The following DSPP variants were observed in gnomAD, a reference collection of about 807,000 sequenced individuals.
DSPP encodes the protein dentin sialophosphoprotein, also known as deafness, autosomal dominant 39.
A neutral mutation model predicts 29.1 loss-of-function variants in DSPP; 28 were observed. The observed-to-expected ratio is 0.96, with a 90% CI of 0.71 to 1.32. The LOEUF is 1.32. Ranked by LOEUF, DSPP falls within the 40% of genes most tolerant of loss-of-function variation. DSPP has a pLI of 0.00. For synonymous variants in DSPP, 481 were observed against 503.4 expected, an observed-to-expected ratio of 0.96 and a Z score of 0.60; for missense variants, 1,281 against 1,629.9, an observed-to-expected ratio of 0.79 and a Z score of 3.69.
intron 1 of DSPP, 77 bp downstream of exon 1, chr4:87,608,697 G>C (rs886928875): frequency 6.6e-6 from 1 of 152,188 alleles, no homozygotes; most frequent in Non-Finnish European, 1.5e-5. Flanking sequence ...GATGAAGCCA[G>C]TTTGATTTTA....
Position 87,612,734 on chromosome 4 carries a change from G to A in DSPP, c.548G>A (p.Gly183Glu), listed in dbSNP as rs1727761509. 1 of 1,614,170 alleles carries A rather than the reference G, an allele frequency of 6.2e-7. No homozygotes were observed. The highest frequency in any genetic ancestry group is 8.5e-7 in the Non-Finnish European group (1 of 1,180,030). Residue 183 changes from glycine (G) to glutamate (E), a missense_variant, in exon 4 of 5, where the codon GGA (glycine) becomes GAA (glutamate). Coordinates refer to ENST00000651931, the MANE Select transcript of DSPP (RefSeq NM_014208.3). ...NEDVAVVQED[G>E]PQVAGSNNST... Reference sequence around the variant, plus strand: ...GATGTCGCTGTTGTCCAAGAAGATGGACCTCAAGTAGCTGGAAGCAATAAC... The same window carrying A: ...GATGTCGCTGTTGTCCAAGAAGATGAACCTCAAGTAGCTGGAAGCAATAAC...
rs371825362 is a variant in DSPP at position 87,615,117 on chromosome 4, G to A, written c.2455G>A (p.Asp819Asn). 315 of 1,534,638 alleles carry A rather than the reference G, an allele frequency of 2.1e-4. 2 individuals carry two copies. The Middle Eastern group carries it at 3.8e-3, about 18-fold the overall frequency. Residue 819 changes from aspartate to asparagine, a missense_variant, in exon 5 of 5, where the codon GAC becomes AAC. Physicochemically the swap from Asp to Asn is conservative, Grantham distance 23. Coordinates refer to ENST00000651931, the MANE Select transcript of DSPP (RefSeq NM_014208.3). ...TGATAGCAGTGACAGCAGTGATAGC[G>A]ACAGCAGCAATAGCAGTGACAGCAG... ...SSDSSDSSDSDSSNSSDSSNS... is the reference protein window; with the variant it reads ...SSDSSDSSDSNSSNSSDSSNS...
chr4:87,616,655 G>T lies in DSPP; in HGVS notation c.*87G>T. 1 of 1,546,220 alleles carries T rather than the reference G, an allele frequency of 6.5e-7. No individual in the cohort carries two copies. Among genetic ancestry groups the T allele is most frequent in the Non-Finnish European group, 8.7e-7 (1 of 1,143,134 alleles). On this transcript the variant is annotated 3_prime_UTR_variant, in exon 5 of 5. Coordinates refer to ENST00000651931, the MANE Select transcript of DSPP (RefSeq NM_014208.3). ...AGATTTCCAAGAAAGTAAAGAAAGG[G>T]GAGAAATAAACATAAGACGTATGTA...
chr4:87,614,891 C>A lies in DSPP; in HGVS notation c.2229C>A (p.Ser743Arg), dbSNP rs1047984287. 1.9e-6 allele frequency: 3 copies of A among 1,549,326 alleles called. No individual in the cohort carries two copies. Among genetic ancestry groups the A allele is most frequent in the Non-Finnish European group, 2.6e-6 (3 of 1,145,540 alleles). The part of the protein sequence containing the change: ...DSSDSSNSSD[S>R]SDSSDSSNSS... The stretch of plus-strand genomic sequence containing the variant: ...GTGACAGCAGCAACAGCAGTGACAG[C>A]AGTGATAGCAGTGACAGCAGCAACA... The change falls in exon 5 of 5, where the codon AGC becomes AGA. Residue 743 changes from serine to arginine, a missense_variant. By Grantham distance (110) the Ser-to-Arg change is moderately radical. Transcript: ENST00000651931.
Position 87,615,025 on chromosome 4 carries a change from G to A in DSPP, c.2363G>A (p.Ser788Asn), listed in dbSNP as rs866426481. The A allele has an allele frequency of 6.4e-7, 1 of 1,551,218 alleles. No individual in the cohort carries two copies. Among genetic ancestry groups the A allele is most frequent in the Middle Eastern group, 1.7e-4 (1 of 5,982 alleles). ...DSSNSSDSND[S>N]SNSSDSSDSS... ...AGCAACAGCAGTGATAGCAACGACAGCAGCAATAGCAGTGACAGCAGTGAT... is the reference window on the plus strand; with the variant it reads ...AGCAACAGCAGTGATAGCAACGACAACAGCAATAGCAGTGACAGCAGTGAT... Residue 788 changes from serine to asparagine, a missense_variant, in exon 5 of 5, where the codon AGC becomes AAC. Around this residue, in one of 4 missense-constraint regions of DSPP, gnomAD observed 444 missense variants for 611.4 expected, o/e 0.73. Transcript: ENST00000651931.
Position 87,616,322 on chromosome 4 carries a change from C to A in DSPP, c.3660C>A (p.Ser1220Arg), listed in dbSNP as rs778585862. The A allele has an allele frequency of 2.3e-5, 34 of 1,496,542 alleles. No homozygotes were observed. The African/African-American group carries it at 3.6e-4, about 16-fold the overall frequency. The allele number at this position is 1,496,542 out of a possible 1,614,324, so 92.7% of individuals were successfully genotyped here. ...ACAGCAGCGACAGCAGTGACAGCAG[C>A]GACAGCAGTGACAGCAGCGACAGCA... ...SSDSSDSSDS[S>R]DSSDSSDSSD... The change falls in exon 5 of 5, where the codon AGC becomes AGA. Residue 1220 changes from serine to arginine, a missense_variant. Physicochemically the swap from Ser to Arg is moderately radical, Grantham distance 110. Transcript: ENST00000651931.
rs1727770062 is a variant in DSPP at position 87,613,060 on chromosome 4, G to T, written c.874G>T (p.Asp292Tyr). The part of the protein sequence containing the change: ...GQDHGKEDDH[D>Y]SSIGQNSDSK... ...GGACCATGGGAAAGAAGATGATCAT[G>T]ATAGTAGCATAGGTCAAAATTCAGA... is the stretch of plus-strand genomic sequence containing the variant. Residue 292 changes from aspartate (D) to tyrosine (Y), a missense_variant, in exon 4 of 5, where the codon GAT becomes TAT. By Grantham distance (160) the Asp-to-Tyr change is radical. Transcript: ENST00000651931. The T allele has an allele frequency of 1.2e-6, 2 of 1,614,040 alleles. No individual in the cohort carries two copies. The highest frequency in any genetic ancestry group is 1.3e-5 in the African/African-American group (1 of 74,920).
Position 87,616,542 on chromosome 4 carries a change from A to G in DSPP, c.3880A>G (p.Ser1294Gly). The change falls in exon 5 of 5, where the codon AGT (serine) becomes GGT (glycine). Residue 1294 changes from serine (S) to glycine (G), a missense_variant. Physicochemically the swap from Ser to Gly is moderately conservative, Grantham distance 56. This residue lies in a region of DSPP where 134 missense variants were observed against 185.0 expected (regional missense o/e 0.72). Transcript: ENST00000651931. The part of the protein sequence containing the change: ...DSDSDSEGSD[S>G]NHSTSDD ...TGACAGTGACAGTGAAGGCAGTGAC[A>G]GTAACCACTCAACCAGTGATGATTA... The G allele has an allele frequency of 6.4e-7, 1 of 1,551,816 alleles. No individual in the cohort carries two copies. Among genetic ancestry groups the G allele is most frequent in the Non-Finnish European group, 8.7e-7 (1 of 1,147,014 alleles).
At chr4:87,611,564 A>G (rs1182356210) in intron 2 of DSPP, among the ~76,000 whole-genome samples, 1 of 152,172 alleles carries the variant, frequency 6.6e-6, no homozygotes, top group Non-Finnish European at 1.5e-5. Context: ...TAACATTTTC[A>G]TATGCTTTCA....
At chr4:87,612,011 TTGTGTGTGTGTGTGTG>T (rs36228864) in intron 2 of DSPP, 78 bp from the exon 3 acceptor site, 2 of 1,068,664 alleles carry the variant, frequency 1.9e-6, no homozygotes, top group South Asian at 1.4e-5. Flanking sequence ...GGAAGAATAT[TTGTGTGTGTGTGTGTG>T]TGTGTGTGTG....
chr4:87,610,845 TTA>T lies in DSPP; in HGVS notation c.-28-33_-28-32del, dbSNP rs1727719459. ...ATAGTACTATGATTTTCCCTTTACT[TTA>T]TAAGTAATTTTGTGCTGTTCCTTTT... On this transcript the variant is annotated intron_variant, in intron 1 of 4. Transcript: ENST00000651931. 2.1e-6 allele frequency: 3 copies of T among 1,407,018 alleles called. No homozygotes were observed. In the Admixed American group the frequency reaches 5.0e-5, roughly 24 times the overall value. 87.2% of individuals were successfully genotyped at this position (1,407,018 alleles called of 1,614,324 possible). A position where few individuals can be genotyped will look rare whatever the true frequency, so the allele number is the denominator to read the frequency against.
At position 87,615,229 on chromosome 4, in the gene DSPP, G is replaced by A; in HGVS notation, c.2567G>A (p.Ser856Asn). ...AGTGACGGCAGTGATAGCGACAGCA[G>A]CAATAGAAGTGACAGTAGTAATAGT... ...DSSDGSDSDS[S>N]NRSDSSNSSD... Residue 856 changes from serine (S) to asparagine (N), a missense_variant, in exon 5 of 5, where the codon AGC becomes AAC. By Grantham distance (46) the Ser-to-Asn change is conservative. Around this residue, in one of 4 missense-constraint regions of DSPP, gnomAD observed 444 missense variants for 611.4 expected, o/e 0.73. Coordinates refer to ENST00000651931, the MANE Select transcript of DSPP (RefSeq NM_014208.3). 1.3e-6 allele frequency: 2 copies of A among 1,525,556 alleles called. No homozygotes were observed. The highest frequency in any genetic ancestry group is 1.8e-6 in the Non-Finnish European group (2 of 1,133,680). The allele number at this position is 1,525,556 out of a possible 1,614,324, so 94.5% of individuals were successfully genotyped here.
In DSPP at chr4:87,616,386, G is replaced by T; in HGVS notation, c.3724G>T (p.Asp1242Tyr). The change falls in exon 5 of 5, where the codon GAT becomes TAT. Residue 1242 changes from aspartate to tyrosine, a missense_variant. Transcript: ENST00000651931. ...NESSDSSDSS[D>Y]SSDSSNSSDS... Reference sequence around the variant, plus strand: ...AAGCAGCGACAGCAGTGACAGCAGCGATAGCAGTGACAGCAGCAACAGCAG... The same window carrying T: ...AAGCAGCGACAGCAGTGACAGCAGCTATAGCAGTGACAGCAGCAACAGCAG... 2.0e-6 allele frequency: 3 copies of T among 1,520,344 alleles called. No individual in the cohort carries two copies. Among genetic ancestry groups the T allele is most frequent in the Non-Finnish European group, 8.9e-7 (1 of 1,125,452 alleles). 94.2% of individuals were successfully genotyped at this position (1,520,344 alleles called of 1,614,324 possible).
At position 87,612,368 on chromosome 4, in the gene DSPP, T is replaced by G. The variant is rs762490726; in HGVS notation, c.182T>G (p.Val61Gly). 6.2e-7 allele frequency: 1 copy of G among 1,614,018 alleles called. No homozygotes were observed. The highest frequency in any genetic ancestry group is 8.5e-7 in the Non-Finnish European group (1 of 1,179,962). Reference protein sequence around the residue: ...SGTIKESGVLVHEGDRGRQEN... With the variant: ...SGTIKESGVLGHEGDRGRQEN... ...ACCATCAAAGAAAGTGGTGTCCTGG[T>G]GCATGAAGGTGATAGAGGAAGGCAA... Residue 61 changes from valine to glycine, a missense_variant, in exon 4 of 5, where the codon GTG becomes GGG. Transcript: ENST00000651931.
Position 87,612,448 on chromosome 4 carries a change from G to A in DSPP, c.262G>A (p.Val88Ile), listed in dbSNP as rs1191164667. 1 of 1,613,878 alleles carries A rather than the reference G, an allele frequency of 6.2e-7. No individual in the cohort carries two copies. Among genetic ancestry groups the A allele is most frequent in the African/African-American group, 1.3e-5 (1 of 74,908 alleles). ...GEGNGSKWAE[V>I]GGKSFSTYST... ...AGGGAATGGCTCTAAGTGGGCAGAA[G>A]TAGGAGGGAAGAGTTTTTCTACATA... The change falls in exon 4 of 5, where the codon GTA becomes ATA. Residue 88 changes from valine (V) to isoleucine (I), a missense_variant. By Grantham distance (29) the Val-to-Ile change is conservative (BLOSUM62 3). Transcript: ENST00000651931.
chr4:87,612,318 T>C lies in DSPP; in HGVS notation c.136-4T>C. ...TATAATTGATTGAATTGTTTCTTTT[T>C]CAGGATGAGTTAAATGCCAGTGGAA... On this transcript the variant is annotated splice_region_variant and splice_polypyrimidine_tract_variant and intron_variant, in intron 3 of 4. Coordinates refer to ENST00000651931, the MANE Select transcript of DSPP (RefSeq NM_014208.3). 1 of 1,614,002 alleles carries C rather than the reference T, an allele frequency of 6.2e-7. No homozygotes were observed. The highest frequency in any genetic ancestry group is 8.5e-7 in the Non-Finnish European group (1 of 1,179,938).
chr4:87,615,363 A>G lies in DSPP; in HGVS notation c.2701A>G (p.Ser901Gly). The G allele has an allele frequency of 1.2e-5, 18 of 1,514,634 alleles. No individual in the cohort carries two copies. Among genetic ancestry groups the G allele is most frequent in the Non-Finnish European group, 1.5e-5 (17 of 1,125,346 alleles). 93.8% of individuals were successfully genotyped at this position (1,514,634 alleles called of 1,614,324 possible). The change falls in exon 5 of 5, where the codon AGT (serine) becomes GGT (glycine). Residue 901 changes from serine (S) to glycine (G), a missense_variant. Physicochemically the swap from Ser to Gly is moderately conservative, Grantham distance 56 (BLOSUM62 0). Coordinates refer to ENST00000651931, the MANE Select transcript of DSPP (RefSeq NM_014208.3). ...SSDSSDSSNS[S>G]DSDSSDSSNS... The stretch of plus-strand genomic sequence containing the variant: ...TGACAGCAGTGATAGCAGCAACAGC[A>G]GTGATAGTGACAGCAGTGATAGCAG...
Position 87,612,761 on chromosome 4 carries a change from G to A in DSPP, c.575G>A (p.Ser192Asn), listed in dbSNP as rs1727762106. 1.2e-6 allele frequency: 2 copies of A among 1,614,144 alleles called. No individual in the cohort carries two copies. Among genetic ancestry groups the A allele is most frequent in the African/African-American group, 1.3e-5 (1 of 75,048 alleles). Reference protein sequence around the residue: ...DGPQVAGSNNSTDNEDEIIEN... With the variant: ...DGPQVAGSNNNTDNEDEIIEN... ...CCTCAAGTAGCTGGAAGCAATAACA[G>A]TACAGACAATGAGGATGAAATAATT... is the stretch of plus-strand genomic sequence containing the variant. The change falls in exon 4 of 5, where the codon AGT becomes AAT. Residue 192 changes from serine to asparagine, a missense_variant. This residue lies in a region of DSPP where 631 missense variants were observed against 643.2 expected (regional missense o/e 0.98). Coordinates refer to ENST00000651931, the MANE Select transcript of DSPP (RefSeq NM_014208.3).
chr4:87,612,710 A>T lies in DSPP; in HGVS notation c.524A>T (p.Asp175Val), dbSNP rs1727761091. ...GTTGGCGATGCAGGTCACAATGAGG[A>T]TGTCGCTGTTGTCCAAGAAGATGGA... ...GDVGDAGHNE[D>V]VAVVQEDGPQ... The change falls in exon 4 of 5, where the codon GAT becomes GTT. Residue 175 changes from aspartate (D) to valine (V), a missense_variant. Coordinates refer to ENST00000651931, the MANE Select transcript of DSPP (RefSeq NM_014208.3). 2 of 1,614,208 alleles carry T rather than the reference A, an allele frequency of 1.2e-6. No individual in the cohort carries two copies. The highest frequency in any genetic ancestry group is 1.7e-6 in the Non-Finnish European group (2 of 1,180,032).
Sources: allele counts gnomAD v4.1 joint callset (sites outside exome capture counted in the v4.1 genomes callset), GRCh38; gene constraint gnomAD v4.1.1; regional missense constraint gnomAD v4.1.1; transcripts MANE v1.5; gene names NCBI Gene and HGNC (gene_info 2026-07-23, HGNC 2026-07-21).